IGSF21: variants seen among roughly 807,000 people sequenced by gnomAD.
IGSF21 encodes the protein immunoglobulin superfamily member 21.
IGSF21 carries 28 observed loss-of-function variants against 46.8 expected under a neutral mutation model. That is an observed-to-expected ratio of 0.60 (90% CI 0.44 to 0.82). IGSF21 has a LOEUF of 0.82. Ranked by LOEUF, IGSF21 falls within the 40% of genes least tolerant of loss-of-function variation. IGSF21 has a pLI of 0.00. For missense variants in IGSF21, 624 were observed against 665.5 expected (o/e 0.94, Z 0.69); for synonymous variants, 284 against 273.6 (o/e 1.04, Z -0.38).
In IGSF21 at chr1:18,378,365, T is replaced by A. The variant is rs2086308160; in HGVS notation, c.*39T>A. On this transcript the variant is annotated 3_prime_UTR_variant, in exon 10 of 10. Coordinates refer to ENST00000251296, the MANE Select transcript of IGSF21 (RefSeq NM_032880.5). ...GGCCACTCCATCAGGCACTGACATC[T>A]CCACGACCGGTTTTCATTTCTTTTC... The A allele has an allele frequency of 1.3e-6, 2 of 1,534,348 alleles. No homozygotes were observed. The highest frequency in any genetic ancestry group is 2.3e-5 in the South Asian group (2 of 88,834).
chr1:18,213,018 T>G (rs1381469454), intron 1 of IGSF21, among the ~76,000 whole-genome samples: 1 of 152,216 alleles, frequency 6.6e-6, no homozygotes, highest in Non-Finnish European at 1.5e-5. Context: ...GCCTGTTAAT[T>G]GGCTCTGTGG....
In IGSF21 at chr1:18,335,706, C is replaced by T. The variant is rs1033280341; in HGVS notation, c.424+696C>T. On this transcript the variant is annotated intron_variant, in intron 4 of 9. Transcript: ENST00000251296. The surrounding 1 kb of genome is among the most constrained non-coding windows in gnomAD (Gnocchi z 4.8). ...CCTTGACTCCAGACTCTGTGTTCTCCGGTTTTCTTATCAAATAATACGTAT... is the reference window on the plus strand; with the variant it reads ...CCTTGACTCCAGACTCTGTGTTCTCTGGTTTTCTTATCAAATAATACGTAT... Among the ~76,000 whole-genome samples the T allele has an allele frequency of 1.2e-4, 19 of 152,170 alleles. No homozygotes were observed. The highest frequency in any genetic ancestry group is 2.0e-4 in the Admixed American group (3 of 15,288).
At chr1:18,198,945 ATGG>A (rs1382254183) in intron 1 of IGSF21, among the ~76,000 whole-genome samples, 2 of 151,802 alleles carry the variant, frequency 1.3e-5, no homozygotes, top group African/African-American at 4.8e-5. Context: ...AGACTTCTTG[ATGG>A]TGGCAGGTTC....
At position 18,220,940 on chromosome 1, in the gene IGSF21, C is replaced by G. The variant is rs1427630062; in HGVS notation, c.71-6958C>G. On this transcript the variant is annotated intron_variant, in intron 1 of 9. Coordinates refer to ENST00000251296, the MANE Select transcript of IGSF21 (RefSeq NM_032880.5). Reference sequence around the variant, plus strand: ...ATCTCCCTGCTGGGAGGATGTGCAACTTTTCCTATGGAGCAATGGGAAGCT... The same window carrying G: ...ATCTCCCTGCTGGGAGGATGTGCAAGTTTTCCTATGGAGCAATGGGAAGCT... 3.9e-5 allele frequency among the ~76,000 whole-genome samples: 6 copies of G among 152,108 alleles called. No homozygotes were observed. In the East Asian group the frequency reaches 1.2e-3, roughly 29 times the overall value.
intron 6 of IGSF21, among the ~76,000 whole-genome samples, chr1:18,366,715 T>C (rs897571018): frequency 1.1e-4 from 17 of 152,148 alleles, no homozygotes; most frequent in African/African-American, 4.1e-4. Flanking sequence ...TGTGGGTATG[T>C]GGGAGGCAGG....
intron 1 of IGSF21, among the ~76,000 whole-genome samples, chr1:18,162,375 A>C (rs2086635227): frequency 6.6e-6 from 1 of 152,100 alleles, no homozygotes; most frequent in African/African-American, 2.4e-5. Context: ...CTTTACGTTA[A>C]TGGTGTGAAA....
chr1:18,317,318 C>G (rs1413526145), intron 3 of IGSF21, among the ~76,000 whole-genome samples: 1 of 152,182 alleles, frequency 6.6e-6, no homozygotes, highest in Non-Finnish European at 1.5e-5. Context: ...AGGCAGGCAT[C>G]ACAATACTGA....
chr1:18,146,984 T>C (rs1439319353), intron 1 of IGSF21, among the ~76,000 whole-genome samples: 1 of 152,298 alleles, frequency 6.6e-6, no homozygotes, highest in Non-Finnish European at 1.5e-5. Flanking sequence ...CTGCCCTTGC[T>C]CTCTACGCCT....
intron 1 of IGSF21, among the ~76,000 whole-genome samples, chr1:18,131,703 C>T (rs901753783): frequency 1.3e-5 from 2 of 152,174 alleles, no homozygotes; most frequent in African/African-American, 4.8e-5. Context: ...TGTGCTGACT[C>T]AGGGATCCAG....
chr1:18,276,863 AC>A (rs1263547438), intron 2 of IGSF21, among the ~76,000 whole-genome samples: 1 of 152,152 alleles, frequency 6.6e-6, no homozygotes, highest in African/African-American at 2.4e-5. Flanking sequence ...GTGGTCCTGG[AC>A]TAACAGGTGC....
chr1:18,204,378 G>C (rs2087105571), intron 1 of IGSF21, among the ~76,000 whole-genome samples: 1 of 152,188 alleles, frequency 6.6e-6, no homozygotes, highest in Non-Finnish European at 1.5e-5. Flanking sequence ...TGTTGCTGCT[G>C]TTAATTATCC....
chr1:18,151,804 A>G (rs1023358257), intron 1 of IGSF21, among the ~76,000 whole-genome samples: 3 of 152,122 alleles, frequency 2.0e-5, no homozygotes, highest in African/African-American at 7.2e-5. Context: ...CTGCCCCACA[A>G]CCTAGTAATT....
intron 6 of IGSF21, among the ~76,000 whole-genome samples, chr1:18,373,874 G>A (rs536747253): frequency 6.6e-6 from 1 of 152,334 alleles, no homozygotes; most frequent in South Asian, 2.1e-4. Context: ...GTCCTAAAAT[G>A]CCTAAAATGG....
intron 1 of IGSF21, among the ~76,000 whole-genome samples, chr1:18,134,941 A>C (rs892131281): frequency 6.6e-6 from 1 of 152,220 alleles, no homozygotes; most frequent in Non-Finnish European, 1.5e-5. Flanking sequence ...TTTCTGGAGG[A>C]AAAGGGCTGC....
At chr1:18,367,210 A>G (rs2086175471) in intron 6 of IGSF21, among the ~76,000 whole-genome samples, 1 of 152,192 alleles carries the variant, frequency 6.6e-6, no homozygotes. Flanking sequence ...CAGGTGTTCT[A>G]GAGAGCTTCT....
At chr1:18,301,280 A>G (rs923636953) in intron 3 of IGSF21, among the ~76,000 whole-genome samples, 4 of 152,176 alleles carry the variant, frequency 2.6e-5, no homozygotes, top group Non-Finnish European at 5.9e-5. Flanking sequence ...CCCCTGGGCC[A>G]TGGAGCATGG....
chr1:18,265,878 G>A lies in IGSF21; in HGVS notation c.184-25988G>A, dbSNP rs115401177. ...TGCAGCCAATGGGCTCTGTCCCAGCGCCTGGGCCTTCCACTGGCATTTTCT... is the reference window on the plus strand; with the variant it reads ...TGCAGCCAATGGGCTCTGTCCCAGCACCTGGGCCTTCCACTGGCATTTTCT... On this transcript the variant is annotated intron_variant, in intron 2 of 9. Transcript: ENST00000251296. Among the ~76,000 whole-genome samples the A allele has an allele frequency of 2.0e-3, 300 of 152,318 alleles. 1 individual carries two copies. The highest frequency in any genetic ancestry group is 4.2e-3 in the African/African-American group (176 of 41,568).
At chr1:18,231,601 A>G (rs1167238049) in intron 2 of IGSF21, among the ~76,000 whole-genome samples, 1 of 152,204 alleles carries the variant, frequency 6.6e-6, no homozygotes, top group Non-Finnish European at 1.5e-5. Context: ...GTGGATGTTA[A>G]CATTTAAATT....
At chr1:18,124,344 G>A (rs2086258135) in intron 1 of IGSF21, among the ~76,000 whole-genome samples, 1 of 152,226 alleles carries the variant, frequency 6.6e-6, no homozygotes, top group Non-Finnish European at 1.5e-5. Context: ...CAACCGCTCA[G>A]GAGGTGCATG....
Sources: gnomAD v4.1 joint callset for allele counts (sites outside exome capture counted in the v4.1 genomes callset) on GRCh38, gnomAD v4.1.1 for gene constraint, Gnocchi (gnomAD v3.1) non-coding constraint, MANE v1.5 for transcripts, NCBI Gene and HGNC (gene_info 2026-07-23, HGNC 2026-07-21) for gene names.